Variants in ULK4 observed in about 807,000 individuals in gnomAD.
ULK4 encodes unc-51 like kinase 4.
Under a neutral mutation model 160.6 loss-of-function variants are expected in ULK4, and 133 were observed. The observed-to-expected ratio is 0.83, with a 90% confidence interval of 0.72 to 0.96. ULK4 has a LOEUF of 0.96. Among genes scored for constraint, ULK4 ranks in the 40% least tolerant of loss-of-function variants. ULK4 has a pLI of 0.00. For missense variants in ULK4, 1,580 were observed against 1,499.5 expected, an observed-to-expected ratio of 1.05 and a Z score of -0.89; for synonymous variants, 534 against 539.8, an observed-to-expected ratio of 0.99 and a Z score of 0.15.
At chr3:41,379,902 T>G (rs1225736958) in intron 35 of ULK4, among the ~76,000 whole-genome samples, 1 of 152,170 alleles carries the variant, frequency 6.6e-6, no homozygotes, top group Admixed American at 6.6e-5. Context: ...ACATAAATAT[T>G]TATTTTTAAT....
rs141768300 is a variant in ULK4, at chr3:41,312,494, A to G, written c.3679-62920T>C. On this transcript the variant is annotated intron_variant, in intron 35 of 36. Coordinates refer to ENST00000301831, the MANE Select transcript of ULK4 (RefSeq NM_017886.4). ...ATGAGAACTAAGTCATAATAAAAAC[A>G]CTATACATCAAAACTTGTGGGCCAG... 5.7e-3 allele frequency among the ~76,000 whole-genome samples: 863 copies of G among 152,300 alleles called. 5 individuals carry two copies. The highest frequency in any genetic ancestry group is 8.6e-3 in the Non-Finnish European group (585 of 68,018).
At chr3:41,888,739 G>A (rs1443520859) in intron 16 of ULK4, among the ~76,000 whole-genome samples, 1 of 151,422 alleles carries the variant, frequency 6.6e-6, no homozygotes, top group Non-Finnish European at 1.5e-5. Context: ...GTGGGAAGCA[G>A]AGACTGTGGT....
intron 35 of ULK4, chr3:41,258,596 T>C (rs890456146): frequency 6.6e-6 from 1 of 152,204 alleles, no homozygotes; most frequent in African/African-American, 2.4e-5. Flanking sequence ...CAGAGGTTCC[T>C]GGACCTGTGA....
intron 35 of ULK4, among the ~76,000 whole-genome samples, chr3:41,298,453 A>G (rs973636169): frequency 6.6e-6 from 1 of 152,232 alleles, no homozygotes; most frequent in African/African-American, 2.4e-5. Flanking sequence ...CTGTTGTTAA[A>G]CTAATAAGTT....
intron 21 of ULK4, among the ~76,000 whole-genome samples, chr3:41,783,936 T>C (rs1317089390): frequency 1.3e-5 from 2 of 152,116 alleles, no homozygotes; most frequent in Non-Finnish European, 2.9e-5. Flanking sequence ...CAAAGTAAAC[T>C]AGAAAAATAA....
chr3:41,897,179 A>C (rs1698188804), intron 14 of ULK4, among the ~76,000 whole-genome samples, 176 bp from the exon 15 acceptor site: 1 of 152,194 alleles, frequency 6.6e-6, no homozygotes, highest in Non-Finnish European at 1.5e-5. Context: ...TATATTCCTA[A>C]TCTCTTTATC....
chr3:41,653,639 T>C (rs922937252), intron 30 of ULK4, among the ~76,000 whole-genome samples: 1 of 152,220 alleles, frequency 6.6e-6, no homozygotes, highest in East Asian at 1.9e-4. Flanking sequence ...TCAGCAAACA[T>C]TTTCTGAAAA....
chr3:41,488,795 T>C lies in ULK4; in HGVS notation c.3227-25542A>G, dbSNP rs142252154. 2.4e-3 allele frequency among the ~76,000 whole-genome samples: 363 copies of C among 152,308 alleles called. 1 individual carries two copies. Among genetic ancestry groups the C allele is most frequent in the Non-Finnish European group, 4.2e-3 (287 of 68,034 alleles). ...TGAGAAAGCTTGATACTGAGAAAAG[T>C]ACCACTTGGCCACTTGTGGGACATT... On this transcript the variant is annotated intron_variant, in intron 32 of 36. Coordinates refer to ENST00000301831, the MANE Select transcript of ULK4 (RefSeq NM_017886.4).
At chr3:41,366,717 T>C (rs1358769194) in intron 35 of ULK4, among the ~76,000 whole-genome samples, 2 of 152,226 alleles carry the variant, frequency 1.3e-5, no homozygotes, top group Non-Finnish European at 2.9e-5. Flanking sequence ...ATATACACAA[T>C]ATGCAAATTG....
chr3:41,331,410 T>C (rs1334956373), intron 35 of ULK4, among the ~76,000 whole-genome samples: 2 of 152,232 alleles, frequency 1.3e-5, no homozygotes. Flanking sequence ...TGTGTGCAAT[T>C]ACAGAATAAA....
intron 18 of ULK4, 75 bp from the exon 19 acceptor site, chr3:41,819,581 A>G (rs2041079008): frequency 7.7e-7 from 1 of 1,299,070 alleles, no homozygotes. Flanking sequence ...AGCAAATGGC[A>G]CAGCTCCAAG....
intron 30 of ULK4, among the ~76,000 whole-genome samples, chr3:41,651,167 T>C (rs1276778320): frequency 6.6e-6 from 1 of 152,224 alleles, no homozygotes; most frequent in Admixed American, 6.5e-5. Flanking sequence ...GTCCTCATCA[T>C]ACTGACCCTC....
At chr3:41,753,192 C>A (rs1420883410) in intron 22 of ULK4, among the ~76,000 whole-genome samples, 1 of 152,166 alleles carries the variant, frequency 6.6e-6, no homozygotes, top group African/African-American at 2.4e-5. Flanking sequence ...GCACTCCAGC[C>A]TGGGCAACAG....
At chr3:41,532,749 T>C (rs1408859604) in intron 32 of ULK4, among the ~76,000 whole-genome samples, 2 of 152,144 alleles carry the variant, frequency 1.3e-5, no homozygotes, top group Admixed American at 1.3e-4. Flanking sequence ...CCATAAAGCT[T>C]AAAATATTTC....
intron 30 of ULK4, among the ~76,000 whole-genome samples, chr3:41,649,686 G>A (rs1380097431): frequency 6.6e-6 from 1 of 152,230 alleles, no homozygotes; most frequent in Admixed American, 6.5e-5. Context: ...GGGGTGCTGA[G>A]GGTGGCTTGG....
At chr3:41,889,632 C>A (rs1401134934) in intron 16 of ULK4, among the ~76,000 whole-genome samples, 1 of 152,132 alleles carries the variant, frequency 6.6e-6, no homozygotes, top group Non-Finnish European at 1.5e-5. Context: ...GTACAAGAAA[C>A]CCCCATGAGT....
At chr3:41,829,727 A>C (rs1239450156) in intron 18 of ULK4, among the ~76,000 whole-genome samples, 1 of 151,270 alleles carries the variant, frequency 6.6e-6, no homozygotes, top group Non-Finnish European at 1.5e-5. Flanking sequence ...CCATTGTGGA[A>C]GTCAGTGTGG....
At chr3:41,276,680 T>C (rs1256380013) in intron 35 of ULK4, among the ~76,000 whole-genome samples, 2 of 152,226 alleles carry the variant, frequency 1.3e-5, no homozygotes, top group Non-Finnish European at 2.9e-5. Flanking sequence ...GGAAAATAGT[T>C]GTAACATTTC....
At chr3:41,708,222 G>C (rs1233964825) in intron 25 of ULK4, among the ~76,000 whole-genome samples, 1 of 151,796 alleles carries the variant, frequency 6.6e-6, no homozygotes, top group Admixed American at 6.6e-5. Flanking sequence ...GTATGTTGAA[G>C]AAATATCTGC....
Sources: allele counts gnomAD v4.1 joint callset (sites outside exome capture counted in the v4.1 genomes callset), GRCh38; gene constraint gnomAD v4.1.1; transcripts MANE v1.5; gene names NCBI Gene and HGNC (gene_info 2026-07-23, HGNC 2026-07-21).